UPP2: variants seen among roughly 807,000 people sequenced by gnomAD.
The protein encoded by UPP2 is uridine phosphorylase 2, also known as UPase 2.
A neutral mutation model predicts 26.7 loss-of-function variants in UPP2; 23 were observed. The ratio of observed to expected loss-of-function variants is 0.86; its 90% CI spans 0.62 to 1.22. The LOEUF is 1.22. UPP2 is among the 50% of genes most tolerant of loss of function. The probability of loss-of-function intolerance (pLI) is 0.00; values close to 1 mark genes in which losing one functional copy is unlikely to be tolerated. For synonymous variants in UPP2, 127 were observed against 141.3 expected (o/e 0.90, Z 0.72); for missense variants, 387 against 396.7 (o/e 0.98, Z 0.21).
chr2:158,080,927 C>A (rs901521608), intron 3 of UPP2, among the ~76,000 whole-genome samples: 1 of 152,178 alleles, frequency 6.6e-6, no homozygotes, highest in Admixed American at 6.5e-5. Flanking sequence ...TAGAAAACCA[C>A]GTTGCAGTAT....
chr2:158,134,815 C>G lies in UPP2; in HGVS notation c.879C>G (p.Val293=). 4.3e-6 allele frequency: 7 copies of G among 1,613,634 alleles called. No homozygotes were observed. Among genetic ancestry groups the G allele is most frequent in the Non-Finnish European group, 5.9e-6 (7 of 1,179,738 alleles). Residue 293 remains valine, a synonymous_variant, in exon 7 of 7, where the codon GTC becomes GTG. Transcript: ENST00000005756. Reference sequence around the variant, plus strand: ...ATCAGATCAACTTGCCTCATGATGTCCTGGTGGAGTACCAGCAACGGCCTC... The same window carrying G: ...ATCAGATCAACTTGCCTCATGATGTGCTGGTGGAGTACCAGCAACGGCCTC... ...DCDQINLPHD[V]LVEYQQRPQL... is the part of the protein sequence containing the mutation.
At chr2:158,044,781 A>C (rs1266686503) in intron 3 of UPP2, among the ~76,000 whole-genome samples, 1 of 152,218 alleles carries the variant, frequency 6.6e-6, no homozygotes, top group East Asian at 1.9e-4. Flanking sequence ...GAGAGACGGT[A>C]ACCAGAGAGT....
chr2:157,995,220 T>C (rs765627722), exon 2 of UPP2: 1 of 1,613,684 alleles, frequency 6.2e-7, no homozygotes, highest in East Asian at 2.2e-5. Flanking sequence ...AGGCTGTGAG[T>C]TGGACCCAGA....
At chr2:158,098,518 C>T (rs1683023012), upstream of UPP2, among the ~76,000 whole-genome samples, 1 of 152,124 alleles carries the variant, frequency 6.6e-6, no homozygotes, top group African/African-American at 2.4e-5. Context: ...CCTAAGTAGC[C>T]ACAGGTCCCT....
At chr2:158,025,471 A>AGTT (rs1683819950) in intron 3 of UPP2, among the ~76,000 whole-genome samples, 1 of 152,156 alleles carries the variant, frequency 6.6e-6, no homozygotes, top group Admixed American at 6.5e-5. Flanking sequence ...AAACAGGCTA[A>AGTT]GAGCAGGGTA....
intron 2 of UPP2, among the ~76,000 whole-genome samples, chr2:158,015,465 TTTTG>T (rs1444895986): frequency 6.6e-6 from 1 of 152,204 alleles, no homozygotes; most frequent in Non-Finnish European, 1.5e-5. Context: ...ATATGCCACA[TTTTG>T]TTTATCTATT....
chr2:158,097,808 C>T (rs1016386001), upstream of UPP2, among the ~76,000 whole-genome samples: 6 of 152,102 alleles, frequency 3.9e-5, no homozygotes, highest in African/African-American at 7.2e-5. Flanking sequence ...AAACAAACAC[C>T]GTAGGGTTGT....
intron 3 of UPP2, among the ~76,000 whole-genome samples, chr2:158,052,431 C>T (rs1327733849): frequency 3.3e-5 from 5 of 152,296 alleles, no homozygotes; most frequent in South Asian, 4.1e-4. Flanking sequence ...GGGACACTAT[C>T]GAGAGTTACT....
chr2:158,018,794 T>C (rs2105146625), intron 3 of UPP2, among the ~76,000 whole-genome samples: 1 of 152,360 alleles, frequency 6.6e-6, no homozygotes, highest in South Asian at 2.1e-4. Context: ...TTTCCCACTC[T>C]TCTTGGATCT....
chr2:158,025,480 T>C (rs1574251111), intron 3 of UPP2, among the ~76,000 whole-genome samples: 2 of 151,932 alleles, frequency 1.3e-5, no homozygotes, highest in African/African-American at 4.8e-5. Context: ...AAGAGCAGGG[T>C]ACAGGAGGCC....
At chr2:158,100,204 T>C (rs1683051709), upstream of UPP2, among the ~76,000 whole-genome samples, 1 of 152,256 alleles carries the variant, frequency 6.6e-6, no homozygotes, top group Non-Finnish European at 1.5e-5. Flanking sequence ...CACAAGATTA[T>C]TCTGAACTTC....
intron 2 of UPP2, among the ~76,000 whole-genome samples, chr2:158,013,334 C>T (rs540991923): frequency 6.6e-6 from 1 of 152,236 alleles, no homozygotes; most frequent in African/African-American, 2.4e-5. Context: ...ACATATCCAA[C>T]GTGGACATGA....
intron 6 of UPP2, among the ~76,000 whole-genome samples, chr2:158,134,439 A>C (rs568169158): frequency 1.3e-5 from 2 of 152,254 alleles, no homozygotes; most frequent in African/African-American, 4.8e-5. Flanking sequence ...GGCATATCTC[A>C]GATTGCAAAG....
At chr2:158,021,058 G>A (rs909241192) in intron 3 of UPP2, among the ~76,000 whole-genome samples, 7 of 152,116 alleles carry the variant, frequency 4.6e-5, no homozygotes, top group Admixed American at 2.0e-4. Context: ...TGGCAGTCTA[G>A]TGAAGCCCAT....
chr2:158,094,253 G>A (rs1682954375), intron 3 of UPP2, among the ~76,000 whole-genome samples: 1 of 151,948 alleles, frequency 6.6e-6, no homozygotes, highest in African/African-American at 2.4e-5. Flanking sequence ...AAAAAAAAAT[G>A]TGTTAAATAT....
chr2:158,000,529 G>A (rs1030452870), intron 2 of UPP2, among the ~76,000 whole-genome samples: 1 of 152,152 alleles, frequency 6.6e-6, no homozygotes, highest in African/African-American at 2.4e-5. Context: ...TCTCTCTCCT[G>A]TTCTCTTTGC....
At chr2:158,047,064 GTTCT>G (rs1284216195) in intron 3 of UPP2, among the ~76,000 whole-genome samples, 1 of 152,174 alleles carries the variant, frequency 6.6e-6, no homozygotes, top group Non-Finnish European at 1.5e-5. Context: ...AGCTATCATT[GTTCT>G]TTCTATGTGC....
rs771344804 is a variant in UPP2 at position 158,106,104 on chromosome 2, G to T, written c.68G>T (p.Arg23Met). 35 of 1,583,760 alleles carry T rather than the reference G, an allele frequency of 2.2e-5. No individual in the cohort carries two copies. The highest frequency in any genetic ancestry group is 2.9e-5 in the Non-Finnish European group (34 of 1,169,580). ...TGTATAATTTTTTTTTCCAGAAAAA[G>T]GTTTGTTCACGTTAAAAATCCTTAC... ...RSDRNTYVGK[R>M]FVHVKNPYLD... is the part of the protein sequence containing the mutation. The change falls in exon 2 of 7, where the codon AGG becomes ATG. Residue 23 changes from arginine (R) to methionine (M), a missense_variant. Transcript: ENST00000005756.
chr2:158,101,582 T>C (rs931608433), upstream of UPP2, among the ~76,000 whole-genome samples: 2 of 152,218 alleles, frequency 1.3e-5, no homozygotes, highest in African/African-American at 4.8e-5. Context: ...AGTTCTCGTA[T>C]GTACTGGACA....
Sources: allele counts gnomAD v4.1 joint callset (sites outside exome capture counted in the v4.1 genomes callset), GRCh38; gene constraint gnomAD v4.1.1; transcripts MANE v1.5; gene names NCBI Gene and HGNC (gene_info 2026-07-23, HGNC 2026-07-21).